FCAMR: variants seen among roughly 807,000 people sequenced by gnomAD.
FCAMR encodes high affinity immunoglobulin alpha and immunoglobulin mu Fc receptor.
A neutral mutation model predicts 52.2 loss-of-function variants in FCAMR; 51 were observed. That is an observed-to-expected ratio of 0.98 (90% CI 0.78 to 1.23). The LOEUF (loss-of-function observed/expected upper bound fraction) is 1.23. Ranked by LOEUF, FCAMR falls within the 50% of genes most tolerant of loss-of-function variation. FCAMR has a pLI of 0.00. For missense variants in FCAMR, 719 were observed against 712.6 expected, an observed-to-expected ratio of 1.01 and a Z score of -0.10; for synonymous variants, 282 against 262.0, an observed-to-expected ratio of 1.08 and a Z score of -0.74.
chr1:206,967,505 G>A (rs1321512448), intron 2 of FCAMR, 78 bp downstream of exon 2: 16 of 1,455,306 alleles, frequency 1.1e-5, no homozygotes, highest in Non-Finnish European at 1.5e-5. Context: ...GTGGGACCTT[G>A]GAAGGTTAGT....
chr1:206,961,278 A>G, intron 5 of FCAMR, 55 bp from the exon 6 acceptor site: 3 of 1,439,204 alleles, frequency 2.1e-6, no homozygotes, highest in Non-Finnish European at 2.8e-6. Flanking sequence ...CACCTACTGG[A>G]TTTGGCAAAG....
At chr1:206,962,681 A>G (rs1470268098) in intron 4 of FCAMR, 130 bp from the exon 5 acceptor site, 3 of 729,274 alleles carry the variant, frequency 4.1e-6, no homozygotes, top group Non-Finnish European at 6.5e-6. Context: ...ATGGAGCAGA[A>G]TCAATATAAA....
chr1:206,969,678 G>A (rs955354683), intron 1 of FCAMR, among the ~76,000 whole-genome samples: 2 of 152,172 alleles, frequency 1.3e-5, no homozygotes, highest in Non-Finnish European at 2.9e-5. Context: ...AGATAAGAAG[G>A]GAAGGAGTCA....
chr1:206,964,366 G>A (rs1013575801), intron 4 of FCAMR, among the ~76,000 whole-genome samples: 4 of 152,010 alleles, frequency 2.6e-5, no homozygotes, highest in Non-Finnish European at 4.4e-5. Context: ...ACCCCAGAAA[G>A]TTCAGTTTAA....
chr1:206,960,574 A>T lies in FCAMR; in HGVS notation c.1302T>A (p.Asp434Glu). Residue 434 changes from aspartate to glutamate, a missense_variant, in exon 6 of 8, where the codon GAT (aspartate) becomes GAA (glutamate). By Grantham distance (45) the Asp-to-Glu change is conservative. Transcript: ENST00000324852. ...ATGCTGCCTCCATGCTGGTCCACAC[A>T]TCTGCAGCTGGAGTTCCCAAGATCC... ...DVWILGTPAADVWTSMEAASG... is the reference protein window; with the variant it reads ...DVWILGTPAAEVWTSMEAASG... 1.3e-6 allele frequency: 2 copies of T among 1,549,752 alleles called. No individual in the cohort carries two copies. Among genetic ancestry groups the T allele is most frequent in the Non-Finnish European group, 1.7e-6 (2 of 1,146,262 alleles).
chr1:206,962,190 GC>G (rs747783775), intron 5 of FCAMR, 22 bp downstream of exon 5: 1 of 1,603,286 alleles, frequency 6.2e-7, no homozygotes, highest in Non-Finnish European at 8.5e-7. Flanking sequence ...ACCAAGCTTG[GC>G]CCATCAGCCG....
chr1:206,964,157 C>T (rs1034356693), intron 4 of FCAMR, among the ~76,000 whole-genome samples: 15 of 152,330 alleles, frequency 9.8e-5, no homozygotes, highest in East Asian at 1.9e-4. Context: ...GACATCTCTC[C>T]GACAAAGCCC....
Position 206,970,148 on chromosome 1 carries a change from G to T in FCAMR, c.-23C>A. The T allele has an allele frequency of 1.2e-6, 2 of 1,613,728 alleles. No individual in the cohort carries two copies. Among genetic ancestry groups the T allele is most frequent in the Non-Finnish European group, 1.7e-6 (2 of 1,179,780 alleles). On this transcript the variant is annotated 5_prime_UTR_variant, in exon 1 of 8. In the 5' UTR this introduces an upstream ATG that the reference lacks. Transcript: ENST00000324852. ...CATCTCAGTCCAGAAACAAGATCCA[G>T]GTGGACTTTTCTTCTCCTTATGAGA...
At chr1:206,962,121 C>T in intron 5 of FCAMR, 92 bp downstream of exon 5, 1 of 1,284,638 alleles carries the variant, frequency 7.8e-7, no homozygotes, top group Non-Finnish European at 1.1e-6. Flanking sequence ...CCTAATGTTT[C>T]AAGCCCTTCT....
chr1:206,961,400 T>G (rs1475472949), intron 5 of FCAMR, among the ~76,000 whole-genome samples, 177 bp from the exon 6 acceptor site: 1 of 152,242 alleles, frequency 6.6e-6, no homozygotes, highest in Non-Finnish European at 1.5e-5. Context: ...ATTCTCCAGT[T>G]TGTGGCAAAC....
In FCAMR at chr1:206,962,474, G is replaced by T. The variant is rs1419386119; in HGVS notation, c.391C>A (p.Pro131Thr). Reference sequence around the variant, plus strand: ...CTCTGGTGCCTGTTGACAGATGAGGGGGCATAATGGCACTGGATGGTGACA... The same window carrying T: ...CTCTGGTGCCTGTTGACAGATGAGGTGGCATAATGGCACTGGATGGTGACA... ...GAVTIQCHYA[P>T]SSVNRHQRKY... Residue 131 changes from proline to threonine, a missense_variant, in exon 5 of 8, where the codon CCC becomes ACC. By Grantham distance (38) the Pro-to-Thr change is conservative. Coordinates refer to ENST00000324852, the MANE Select transcript of FCAMR (RefSeq NM_001170631.2). The T allele has an allele frequency of 6.2e-7, 1 of 1,612,166 alleles. No individual in the cohort carries two copies. Among genetic ancestry groups the T allele is most frequent in the Non-Finnish European group, 8.5e-7 (1 of 1,178,414 alleles).
At chr1:206,969,612 A>G (rs1680856025) in intron 1 of FCAMR, among the ~76,000 whole-genome samples, 1 of 152,086 alleles carries the variant, frequency 6.6e-6, no homozygotes, top group Non-Finnish European at 1.5e-5. Context: ...CCAGATGCCT[A>G]CTGGCCCTCC....
intron 7 of FCAMR, among the ~76,000 whole-genome samples, 172 bp downstream of exon 7, chr1:206,959,506 GA>G (rs954767485): frequency 6.7e-5 from 10 of 149,408 alleles, no homozygotes; most frequent in East Asian, 3.9e-4. Flanking sequence ...AGAAAAGAAA[GA>G]AAAAAAGAAA....
At chr1:206,969,983 G>T in intron 1 of FCAMR, 104 bp downstream of exon 1, 1 of 1,434,992 alleles carries the variant, frequency 7.0e-7, no homozygotes, top group Non-Finnish European at 9.7e-7. Context: ...GAGCCCACCT[G>T]CTCTGGGAAG....
At position 206,958,382 on chromosome 1, in the gene FCAMR, A is replaced by G. The variant is rs1009915348; in HGVS notation, c.*134T>C. ...CCCAAGGACAGCCAGCCTTTCTTCC[A>G]TGGGTGGAGCACCGGCTGCATCAGC... On this transcript the variant is annotated 3_prime_UTR_variant, in exon 8 of 8. Transcript: ENST00000324852. 9 of 1,029,646 alleles carry G rather than the reference A, an allele frequency of 8.7e-6. No homozygotes were observed. Among genetic ancestry groups the G allele is most frequent in the African/African-American group, 8.2e-5 (5 of 61,292 alleles). 63.8% of individuals were successfully genotyped at this position (1,029,646 alleles called of 1,614,324 possible).
intron 6 of FCAMR, chr1:206,960,140 G>A (rs560850591): frequency 4.6e-5 from 23 of 499,120 alleles, no homozygotes; most frequent in South Asian, 1.8e-4. Context: ...CCCTCTCTCC[G>A]GAGCGCCTAT....
chr1:206,966,989 G>A, intron 3 of FCAMR, 63 bp downstream of exon 3: 1 of 1,560,970 alleles, frequency 6.4e-7, no homozygotes, highest in Non-Finnish European at 8.8e-7. Flanking sequence ...GACCTTTAGG[G>A]CAGCCTGGAA....
chr1:206,959,256 C>G (rs1216117990), intron 7 of FCAMR, among the ~76,000 whole-genome samples: 1 of 152,138 alleles, frequency 6.6e-6, no homozygotes, highest in African/African-American at 2.4e-5. Context: ...GGCCAAGGAT[C>G]ACTTGATGTC....
At chr1:206,960,251 G>A in intron 6 of FCAMR, 171 bp downstream of exon 6, 1 of 633,600 alleles carries the variant, frequency 1.6e-6, no homozygotes, top group South Asian at 2.3e-5. Flanking sequence ...AAATACTCAG[G>A]GAGCGTTCTC....
Sources: gnomAD v4.1 joint callset for allele counts (sites outside exome capture counted in the v4.1 genomes callset) on GRCh38, gnomAD v4.1.1 for gene constraint, MANE v1.5 for transcripts, NCBI Gene and HGNC (gene_info 2026-07-23, HGNC 2026-07-21) for gene names.